Variants in UBL7 observed in about 807,000 individuals in gnomAD.
UBL7 encodes the protein ubiquitin-like protein 7.
In UBL7, 21 loss-of-function variants were observed where a neutral mutation model predicts 41.7. The observed-to-expected ratio is 0.50, with a 90% CI of 0.36 to 0.73. UBL7 has a LOEUF of 0.73. Among genes scored for constraint, UBL7 ranks in the 30% least tolerant of loss-of-function variants. The probability of loss-of-function intolerance (pLI) is 0.00; values close to 1 mark genes in which losing one functional copy is unlikely to be tolerated. For synonymous variants in UBL7, 157 were observed against 186.9 expected (o/e 0.84, Z 1.31); for missense variants, 403 against 478.4 (o/e 0.84, Z 1.47).
At chr15:74,449,718 C>T in intron 7 of UBL7, 43 bp from the exon 8 acceptor site, 1 of 1,612,312 alleles carries the variant, frequency 6.2e-7, no homozygotes. Flanking sequence ...AACAGAAAGG[C>T]ACAGGCGCAG....
chr15:74,451,867 G>A (rs2061249454), intron 4 of UBL7, among the ~76,000 whole-genome samples: 1 of 152,028 alleles, frequency 6.6e-6, no homozygotes, highest in African/African-American at 2.4e-5. Context: ...TTCAATCTCT[G>A]TACAATTACT....
At chr15:74,449,888 C>A in intron 7 of UBL7, 48 bp downstream of exon 7, 1 of 1,579,572 alleles carries the variant, frequency 6.3e-7, no homozygotes, top group Non-Finnish European at 8.6e-7. Context: ...AATTCCTGGG[C>A]CACTGCCGGC....
At chr15:74,457,201 T>C (rs910256353) in intron 2 of UBL7, among the ~76,000 whole-genome samples, 2 of 152,190 alleles carry the variant, frequency 1.3e-5, no homozygotes, top group Non-Finnish European at 2.9e-5. Context: ...CTCACACCTA[T>C]AAACCCAGCA....
chr15:74,458,239 G>T (rs902912213), intron 2 of UBL7, among the ~76,000 whole-genome samples: 4 of 152,054 alleles, frequency 2.6e-5, no homozygotes, highest in Non-Finnish European at 5.9e-5. Flanking sequence ...AGACCAGCCT[G>T]GCCAACATGG....
rs546941876 is a variant in UBL7, at chr15:74,446,997, G to A, written c.1006-770C>T. Among the ~76,000 whole-genome samples the A allele has an allele frequency of 1.2e-3, 188 of 152,290 alleles. 1 individual carries two copies. The highest frequency in any genetic ancestry group is 2.3e-3 in the Non-Finnish European group (156 of 68,028). On this transcript the variant is annotated intron_variant, in intron 10 of 10. Transcript: ENST00000395081. The surrounding 1 kb of genome is among the most constrained non-coding windows in gnomAD (Gnocchi z 4.1). ...AAGTCAAAGAGGCAGGCAGTGATGA[G>A]AACATGGAGGGCTTAAAAAAAATGC...
chr15:74,448,354 A>G (rs776129863), intron 10 of UBL7, 124 bp downstream of exon 10: 13 of 1,476,166 alleles, frequency 8.8e-6, no homozygotes, highest in Non-Finnish European at 1.2e-5. Flanking sequence ...TCCCACTGCC[A>G]TGCTCCAGCT....
At chr15:74,459,103 C>T (rs2061322199) in intron 1 of UBL7, 2 of 524,370 alleles carry the variant, frequency 3.8e-6, no homozygotes, top group Non-Finnish European at 6.8e-6. Context: ...TTTCTTCATC[C>T]CTAACGTGGA....
chr15:74,452,401 T>C (rs2061258765), intron 3 of UBL7, 23 bp from the exon 4 acceptor site: 1 of 1,552,636 alleles, frequency 6.4e-7, no homozygotes, highest in Non-Finnish European at 8.7e-7. Context: ...ACATTCAGAG[T>C]TACCCTATAG....
At chr15:74,456,851 C>T (rs898081397) in intron 2 of UBL7, among the ~76,000 whole-genome samples, 180 bp from the exon 3 acceptor site, 5 of 151,954 alleles carry the variant, frequency 3.3e-5, no homozygotes, top group African/African-American at 1.2e-4. Flanking sequence ...ACTCTGTTGC[C>T]CAGGCTTGAG....
At chr15:74,452,189 C>T in intron 4 of UBL7, 107 bp downstream of exon 4, 4 of 1,220,822 alleles carry the variant, frequency 3.3e-6, no homozygotes, top group South Asian at 1.4e-5. Context: ...CCAAGGAACT[C>T]TTGGTTGCCA....
intron 4 of UBL7, 50 bp downstream of exon 4, chr15:74,452,246 G>C: frequency 6.6e-7 from 1 of 1,525,746 alleles, no homozygotes; most frequent in Non-Finnish European, 8.9e-7. Context: ...GCCAGCCAGC[G>C]TTCACACCCT....
rs778077082 is a variant in UBL7, at chr15:74,449,608, G to A, written c.714+18C>T. On this transcript the variant is annotated intron_variant, in intron 8 of 10. Coordinates refer to ENST00000395081, the MANE Select transcript of UBL7 (RefSeq NM_032907.5). The stretch of plus-strand genomic sequence containing the variant: ...CCCCCACATGTCAGCATGTCAGGCA[G>A]GCAGGCAGGCCACTTACTGGGTGAA... 9 of 1,614,084 alleles carry A rather than the reference G, an allele frequency of 5.6e-6. No homozygotes were observed. The highest frequency in any genetic ancestry group is 7.6e-6 in the Non-Finnish European group (9 of 1,179,986).
In UBL7 at chr15:74,446,657, C is replaced by T. The variant is rs2141307173; in HGVS notation, c.1006-430G>A. On this transcript the variant is annotated intron_variant, in intron 10 of 10. Coordinates refer to ENST00000395081, the MANE Select transcript of UBL7 (RefSeq NM_032907.5). The surrounding 1 kb of genome is among the most constrained non-coding windows in gnomAD (Gnocchi z 4.1). Reference sequence around the variant, plus strand: ...TTGGTTTGCCACGCAGAAATTTTCACCTTTTTTTAAATGTCTTAAATTTTT... The same window carrying T: ...TTGGTTTGCCACGCAGAAATTTTCATCTTTTTTTAAATGTCTTAAATTTTT... 6.6e-6 allele frequency among the ~76,000 whole-genome samples: 1 copy of T among 152,256 alleles called. No individual in the cohort carries two copies. The highest frequency in any genetic ancestry group is 2.4e-5 in the African/African-American group (1 of 41,556).
intron 3 of UBL7, among the ~76,000 whole-genome samples, chr15:74,452,979 T>C (rs1053793842): frequency 6.6e-6 from 1 of 152,220 alleles, no homozygotes; most frequent in Non-Finnish European, 1.5e-5. Flanking sequence ...CCCAAAGTGC[T>C]AGGATTACAG....
At position 74,458,970 on chromosome 15, in the gene UBL7, G is replaced by GAATGAAAGA. The variant is rs576426454; in HGVS notation, c.-29-83_-29-75dup. The GAATGAAAGA allele has an allele frequency of 4.2e-4, 595 of 1,421,480 alleles. 1 individual carries two copies. The East Asian group carries it at 0.011, about 27-fold the overall frequency. 88.1% of individuals were successfully genotyped at this position (1,421,480 alleles called of 1,614,324 possible). On this transcript the variant is annotated intron_variant, in intron 1 of 10. Transcript: ENST00000395081. Reference sequence around the variant, plus strand: ...CTCCACCCCCACCCACCAAAGGGTTGAATGAAAGACAATTCAATGTGACAC... The same window carrying GAATGAAAGA: ...CTCCACCCCCACCCACCAAAGGGTTGAATGAAAGAAATGAAAGACAATTCAATGTGACAC...
intron 3 of UBL7, among the ~76,000 whole-genome samples, chr15:74,454,669 A>C (rs1442475531): frequency 6.6e-6 from 1 of 152,164 alleles, no homozygotes; most frequent in Non-Finnish European, 1.5e-5. Flanking sequence ...AAGTTCTGGG[A>C]TTACAGGCGT....
intron 1 of UBL7, chr15:74,459,164 A>C: frequency 2.8e-6 from 1 of 353,306 alleles, no homozygotes; most frequent in Admixed American, 4.3e-5. Flanking sequence ...AGATCATCTA[A>C]CCCTCTCCCT....
At chr15:74,453,768 A>C (rs1362604897) in intron 3 of UBL7, among the ~76,000 whole-genome samples, 2 of 152,218 alleles carry the variant, frequency 1.3e-5, no homozygotes, top group African/African-American at 2.4e-5. Flanking sequence ...TATAGGCCCT[A>C]ATCTGTGGGA....
rs1248809448 is a variant in UBL7, at chr15:74,446,286, A to G, written c.1006-59T>C. ...GCTGGGATCCAGTGAAGACTCACTT[A>G]GGTCTGTGCTTTCCGGGGAAGGAAA... On this transcript the variant is annotated intron_variant, in intron 10 of 10. Transcript: ENST00000395081. This position sits in a 1 kb window ranked among gnomAD's most constrained non-coding sequence, Gnocchi z 4.1. The G allele has an allele frequency of 6.3e-7, 1 of 1,593,276 alleles. No individual in the cohort carries two copies. The highest frequency in any genetic ancestry group is 8.6e-7 in the Non-Finnish European group (1 of 1,167,470).
Sources: gnomAD v4.1 joint callset for allele counts (sites outside exome capture counted in the v4.1 genomes callset) on GRCh38, gnomAD v4.1.1 for gene constraint, Gnocchi (gnomAD v3.1) non-coding constraint, MANE v1.5 for transcripts, NCBI Gene and HGNC (gene_info 2026-07-23, HGNC 2026-07-21) for gene names.